The following SYNJ2 variants were observed in gnomAD, a reference collection of about 807,000 sequenced individuals.
SYNJ2 encodes polyphosphatidylinositol phosphatase SYNJ2.
Under a neutral mutation model 141.3 loss-of-function variants are expected in SYNJ2, and 116 were observed. The observed-to-expected ratio is 0.82, with a 90% CI of 0.71 to 0.96. The LOEUF (loss-of-function observed/expected upper bound fraction) is 0.96. SYNJ2 is among the 40% of genes least tolerant of loss of function. SYNJ2 has a pLI of 0.00. For synonymous variants in SYNJ2, 745 were observed against 777.7 expected, an observed-to-expected ratio of 0.96 and a Z score of 0.70; for missense variants, 1,873 against 1,934.8, an observed-to-expected ratio of 0.97 and a Z score of 0.60.
chr6:158,002,739 G>T (rs1455752765), intron 1 of SYNJ2, among the ~76,000 whole-genome samples: 2 of 152,210 alleles, frequency 1.3e-5, no homozygotes, highest in Non-Finnish European at 2.9e-5. Flanking sequence ...TTGGGTAGGA[G>T]GGTTGGGGCT....
rs901615636 is a variant in SYNJ2, at chr6:158,064,833, A to G, written c.1367A>G (p.Lys456Arg). The G allele has an allele frequency of 1.2e-6, 2 of 1,608,492 alleles. No individual in the cohort carries two copies. The highest frequency in any genetic ancestry group is 1.7e-5 in the Admixed American group (1 of 59,842). Residue 456 changes from lysine to arginine, a missense_variant, in exon 11 of 27, where the codon AAG becomes AGG. Lys to Arg is a conservative substitution (Grantham distance 26). Transcript: ENST00000355585. ...RALEGKAKVG[K>R]LKDGARSMSR... ...GGTCTGGGCTCTCGGCAGGTGGGGA[A>G]GCTGAAGGATGGAGCCCGGTCCATG...
intron 4 of SYNJ2, among the ~76,000 whole-genome samples, chr6:158,037,309 G>A (rs776855060): frequency 4.0e-5 from 6 of 150,712 alleles, no homozygotes; most frequent in East Asian, 1.9e-4. Flanking sequence ...CTCTGCCTCC[G>A]TTTTCGTGTG....
Position 158,096,223 on chromosome 6 carries a change from C to T in SYNJ2, c.4350C>T (p.Asp1450=). 3 of 1,614,254 alleles carry T rather than the reference C, an allele frequency of 1.9e-6. No homozygotes were observed. Among genetic ancestry groups the T allele is most frequent in the Non-Finnish European group, 2.5e-6 (3 of 1,180,042 alleles). Reference sequence around the variant, plus strand: ...GGAGCCCCAAAAGAGATCCCATAGACCCAGTGTCAGCTGGCGCTTCAGCTG... The same window carrying T: ...GGAGCCCCAAAAGAGATCCCATAGATCCAGTGTCAGCTGGCGCTTCAGCTG... ...GTRSPKRDPI[D]PVSAGASAAK... is the part of the protein sequence containing the mutation. The change falls in exon 27 of 27, where the codon GAC becomes GAT. Residue 1450 remains aspartate (D), a synonymous_variant. Transcript: ENST00000355585.
At position 158,071,669 on chromosome 6, in the gene SYNJ2, A is replaced by G. The variant is rs370339820; in HGVS notation, c.2008A>G (p.Ile670Val). The change falls in exon 15 of 27, where the codon ATC becomes GTC. Residue 670 changes from isoleucine (I) to valine (V), a missense_variant. Coordinates refer to ENST00000355585, the MANE Select transcript of SYNJ2 (RefSeq NM_003898.4). The surrounding 1 kb of genome is among the most constrained non-coding windows in gnomAD (Gnocchi z 4.3). The part of the protein sequence containing the change: ...GKAGNKGAVG[I>V]RFQFHSTSFC... ...GGCGGGGAACAAGGGCGCCGTCGGCATCCGCTTCCAGTTCCACAGCACCAG... is the reference window on the plus strand; with the variant it reads ...GGCGGGGAACAAGGGCGCCGTCGGCGTCCGCTTCCAGTTCCACAGCACCAG... 10 of 1,614,026 alleles carry G rather than the reference A, an allele frequency of 6.2e-6. No individual in the cohort carries two copies. The highest frequency in any genetic ancestry group is 1.3e-5 in the African/African-American group (1 of 74,944).
At chr6:158,059,152 TA>T in intron 6 of SYNJ2, 104 bp from the exon 7 acceptor site, 1 of 1,239,394 alleles carries the variant, frequency 8.1e-7, no homozygotes, top group Non-Finnish European at 1.1e-6. Context: ...ACTGTGGCAC[TA>T]AGAAAGCATG....
At chr6:157,999,208 G>A (rs1583294868) in intron 1 of SYNJ2, among the ~76,000 whole-genome samples, 1 of 152,248 alleles carries the variant, frequency 6.6e-6, no homozygotes, top group African/African-American at 2.4e-5. Context: ...GGCCGGCTCT[G>A]CCCAGCACGG....
chr6:158,055,722 A>C (rs1374552352), intron 6 of SYNJ2, among the ~76,000 whole-genome samples: 1 of 152,210 alleles, frequency 6.6e-6, no homozygotes, highest in African/African-American at 2.4e-5. Context: ...GTAATGTGTT[A>C]AGTGTTTGAG....
chr6:158,014,077 T>A (rs1355592765), intron 1 of SYNJ2, among the ~76,000 whole-genome samples: 1 of 152,246 alleles, frequency 6.6e-6, no homozygotes, highest in African/African-American at 2.4e-5. Context: ...CAAATACCCA[T>A]GGGACCATTC....
intron 5 of SYNJ2, among the ~76,000 whole-genome samples, chr6:158,049,828 C>G (rs1036666794): frequency 3.1e-4 from 28 of 89,118 alleles, no homozygotes; most frequent in African/African-American, 3.6e-4. Flanking sequence ...CTGCAGGTGT[C>G]GACATGCCTC....
intron 5 of SYNJ2, among the ~76,000 whole-genome samples, chr6:158,046,648 G>A (rs1201290693): frequency 2.6e-5 from 4 of 152,210 alleles, no homozygotes; most frequent in Admixed American, 1.3e-4. Context: ...GGTGGTGGAT[G>A]AGGATTTGTC....
At position 158,040,384 on chromosome 6, in the gene SYNJ2, ATGT is replaced by A. The variant is rs1372885232; in HGVS notation, c.712-2928_712-2926del. On this transcript the variant is annotated intron_variant, in intron 4 of 26. Transcript: ENST00000355585. This position sits in a 1 kb window ranked among gnomAD's most constrained non-coding sequence, Gnocchi z 4.2. ...ATGTGTTGTGTGTCTGCACGCACAG[ATGT>A]TGTGTACATGTGTAGATAGCATCTC... Among the ~76,000 whole-genome samples the A allele has an allele frequency of 2.0e-5, 3 of 152,132 alleles. No individual in the cohort carries two copies. The highest frequency in any genetic ancestry group is 7.2e-5 in the African/African-American group (3 of 41,416).
intron 7 of SYNJ2, among the ~76,000 whole-genome samples, chr6:158,061,486 C>A (rs1219240847): frequency 6.6e-6 from 1 of 152,204 alleles, no homozygotes; most frequent in Non-Finnish European, 1.5e-5. Context: ...ATGTGGGACC[C>A]ACCTGGGCCA....
chr6:158,023,732 A>G (rs913427240), intron 2 of SYNJ2, among the ~76,000 whole-genome samples: 3 of 152,154 alleles, frequency 2.0e-5, no homozygotes, highest in African/African-American at 4.8e-5. Context: ...AGACAAAGGG[A>G]CAGTTCAAAA....
chr6:158,088,034 A>ATTTTTTTTTGTTTT (rs1783186395), intron 23 of SYNJ2, among the ~76,000 whole-genome samples: 1 of 31,866 alleles, frequency 3.1e-5, no homozygotes, highest in Non-Finnish European at 6.8e-5. Flanking sequence ...CTGCTTTGGA[A>ATTTTTTTTTGTTTT]TTTTTTTTTT....
intron 24 of SYNJ2, among the ~76,000 whole-genome samples, 177 bp from the exon 25 acceptor site, chr6:158,089,662 T>C (rs1783303399): frequency 1.3e-5 from 2 of 152,130 alleles, no homozygotes; most frequent in Admixed American, 6.5e-5. Flanking sequence ...AGTATGGCAC[T>C]CTTGGAAAGA....
At chr6:158,063,969 TGG>T in intron 9 of SYNJ2, 97 bp downstream of exon 9, 1 of 1,293,852 alleles carries the variant, frequency 7.7e-7, no homozygotes, top group Non-Finnish European at 1.1e-6. Flanking sequence ...AAGATGAGGG[TGG>T]CATCACCAAG....
rs551378456 is a variant in SYNJ2 at position 157,990,599 on chromosome 6, C to A, written c.127+8511C>A. On this transcript the variant is annotated intron_variant, in intron 1 of 26. Coordinates refer to ENST00000355585, the MANE Select transcript of SYNJ2 (RefSeq NM_003898.4). ...GTTGCGGGAGGGGGCAGGTTGTTAG[C>A]GGCTGCTGCTCAGACCCAGCGGAGG... is the stretch of plus-strand genomic sequence containing the variant. 8.5e-5 allele frequency among the ~76,000 whole-genome samples: 13 copies of A among 152,272 alleles called. No homozygotes were observed. The East Asian group carries it at 2.3e-3, about 27-fold the overall frequency.
chr6:158,003,390 A>C (rs888922614), intron 1 of SYNJ2, among the ~76,000 whole-genome samples: 1 of 152,122 alleles, frequency 6.6e-6, no homozygotes, highest in Non-Finnish European at 1.5e-5. Flanking sequence ...TGGGAAAACC[A>C]CTGTCTTTCT....
chr6:158,049,933 C>T (rs1583408052), intron 5 of SYNJ2, among the ~76,000 whole-genome samples: 1 of 151,796 alleles, frequency 6.6e-6, no homozygotes, highest in African/African-American at 2.4e-5. Context: ...GGTATGCATG[C>T]AGCTCTGCAG....
Sources: allele counts gnomAD v4.1 joint callset (sites outside exome capture counted in the v4.1 genomes callset), GRCh38; gene constraint gnomAD v4.1.1; non-coding constraint Gnocchi (gnomAD v3.1); transcripts MANE v1.5; gene names NCBI Gene and HGNC (gene_info 2026-07-23, HGNC 2026-07-21).